Variants in SLC6A13 observed in about 807,000 individuals in gnomAD.
SLC6A13 encodes solute carrier family 6 member 13, also known as sodium- and chloride-dependent GABA transporter 2.
In SLC6A13, 69 loss-of-function variants were observed where a neutral mutation model predicts 72.9. The ratio of observed to expected loss-of-function variants is 0.95; its 90% CI spans 0.78 to 1.16. The LOEUF is 1.16. SLC6A13 is among the 50% of genes most tolerant of loss of function. The pLI, the probability that SLC6A13 is intolerant of heterozygous loss-of-function variation, is 0.00. For synonymous variants in SLC6A13, 303 were observed against 303.0 expected (o/e 1.00, Z 0.00); for missense variants, 735 against 760.5 (o/e 0.97, Z 0.39).
chr12:237,099 C>T (rs1357657295), intron 6 of SLC6A13, 59 bp downstream of exon 6: 3 of 1,587,544 alleles, frequency 1.9e-6, no homozygotes, highest in African/African-American at 2.7e-5. Context: ...TCCTGGGTGA[C>T]AGCCCCCAGT....
chr12:224,549 C>T (rs761940527), intron 9 of SLC6A13, 36 bp from the exon 10 acceptor site: 48 of 1,553,476 alleles, frequency 3.1e-5, no homozygotes, highest in Middle Eastern at 3.4e-4. Context: ...GGCCAGTGCC[C>T]GGGCCAGCTC....
chr12:233,480 G>A (rs994861088), intron 7 of SLC6A13, among the ~76,000 whole-genome samples: 30 of 152,244 alleles, frequency 2.0e-4, no homozygotes, highest in African/African-American at 7.0e-4. Flanking sequence ...GAAGGGTGGG[G>A]AGGAGACCCG....
Position 226,387 on chromosome 12 carries a change from C to G in SLC6A13, c.1060+3G>C, listed in dbSNP as rs1261811640. The G allele has an allele frequency of 6.2e-7, 1 of 1,613,740 alleles. No individual in the cohort carries two copies. The highest frequency in any genetic ancestry group is 8.5e-7 in the Non-Finnish European group (1 of 1,179,804). On this transcript the variant is annotated splice_donor_region_variant and intron_variant, in intron 9 of 14. Coordinates refer to ENST00000343164, the MANE Select transcript of SLC6A13 (RefSeq NM_016615.5). ...GCCTCCAGGCCTCCCCAGTAACACT[C>G]ACCTGACTCGGCCACCTCAGAAATG...
chr12:224,276 G>A (rs934493182), intron 10 of SLC6A13, 125 bp downstream of exon 10: 1 of 1,350,956 alleles, frequency 7.4e-7, no homozygotes, highest in Admixed American at 1.9e-5. Context: ...GTTAGGTCAG[G>A]ACTCACCCTC....
chr12:233,387 C>T (rs111280897), intron 7 of SLC6A13, among the ~76,000 whole-genome samples: 1 of 152,228 alleles, frequency 6.6e-6, no homozygotes, highest in African/African-American at 2.4e-5. Flanking sequence ...TTTCCAACCC[C>T]CTTCAGGCAG....
At chr12:259,357 G>T (rs865779023) in intron 2 of SLC6A13, 2 of 1,011,810 alleles carry the variant, frequency 2.0e-6, no homozygotes, top group Non-Finnish European at 2.4e-6. Flanking sequence ...GGTTATCAAC[G>T]TCATCATCAG....
intron 2 of SLC6A13, among the ~76,000 whole-genome samples, chr12:247,769 G>A (rs1320360798): frequency 6.6e-6 from 1 of 151,978 alleles, no homozygotes; most frequent in Non-Finnish European, 1.5e-5. Context: ...TAAAAACAAT[G>A]TAATATTGAT....
At position 254,755 on chromosome 12, in the gene SLC6A13, TCA is replaced by T; in HGVS notation, c.202+5094_202+5095del. ...CAGATCTCTCTCACAAACCCCAAAC[TCA>T]CATTCTATTGCCCAGTTGCCATTTC... On this transcript the variant is annotated intron_variant, in intron 2 of 14. Coordinates refer to ENST00000343164, the MANE Select transcript of SLC6A13 (RefSeq NM_016615.5). This position sits in a 1 kb window ranked among gnomAD's most constrained non-coding sequence, Gnocchi z 4.4. Among the ~76,000 whole-genome samples the T allele has an allele frequency of 1.3e-5, 2 of 152,244 alleles. No homozygotes were observed. The highest frequency in any genetic ancestry group is 6.8e-3 in the Middle Eastern group (2 of 294).
intron 7 of SLC6A13, among the ~76,000 whole-genome samples, chr12:232,443 C>T (rs1035920347): frequency 3.9e-5 from 6 of 152,338 alleles, no homozygotes; most frequent in African/African-American, 1.4e-4. Flanking sequence ...ACCTACCATC[C>T]ATCACAACCC....
At position 222,621 on chromosome 12, in the gene SLC6A13, A is replaced by G. The variant is rs1437390204; in HGVS notation, c.1426T>C (p.Phe476Leu). The G allele has an allele frequency of 3.1e-6, 5 of 1,604,656 alleles. No homozygotes were observed. The Admixed American group carries it at 8.4e-5, about 27-fold the overall frequency. The change falls in exon 13 of 15, where the codon TTC (phenylalanine) becomes CTC (leucine). Residue 476 changes from phenylalanine to leucine, a missense_variant. Transcript: ENST00000343164. Reference protein sequence around the residue: ...CVAWVYGAKRFYDNIEDMIGY... With the variant: ...CVAWVYGAKRLYDNIEDMIGY... ...ATCATGTCTTCGATGTTGTCGTAGA[A>G]GCGCTTGGCTCCTACCATGGAGAAA... is the stretch of plus-strand genomic sequence containing the variant.
At chr12:247,564 A>G (rs1236735125) in intron 2 of SLC6A13, among the ~76,000 whole-genome samples, 3 of 152,222 alleles carry the variant, frequency 2.0e-5, no homozygotes, top group African/African-American at 7.2e-5. Flanking sequence ...AGGATCTACC[A>G]CAAGTAGAAC....
chr12:258,173 G>A (rs1942808413), intron 2 of SLC6A13, among the ~76,000 whole-genome samples: 1 of 152,160 alleles, frequency 6.6e-6, no homozygotes, highest in Non-Finnish European at 1.5e-5. Context: ...ATGATTTCAG[G>A]CCACTGGCCA....
chr12:241,347 G>A (rs1004006389), intron 4 of SLC6A13, among the ~76,000 whole-genome samples: 6 of 152,040 alleles, frequency 3.9e-5, no homozygotes, highest in African/African-American at 1.4e-4. Context: ...AATTAATCAT[G>A]GCTAGCCCAC....
Position 223,220 on chromosome 12 carries a change from C to T in SLC6A13, c.1326G>A (p.Val442=). 1 of 1,611,420 alleles carries T rather than the reference C, an allele frequency of 6.2e-7. No homozygotes were observed. Among genetic ancestry groups the T allele is most frequent in the Non-Finnish European group, 8.5e-7 (1 of 1,178,026 alleles). The change falls in exon 12 of 15, where the codon GTG becomes GTA. Residue 442 remains valine (V), a synonymous_variant. Transcript: ENST00000343164. Reference sequence around the variant, plus strand: ...CCGCATAGTAGTCAAAGAGCTGGAACACGTACATTCCGCCCTGCATGGGAG... The same window carrying T: ...CCGCATAGTAGTCAAAGAGCTGGAATACGTACATTCCGCCCTGCATGGGAG... ...LIMLTEGGMY[V]FQLFDYYAAS...
At chr12:242,518 G>A (rs117251283) in intron 4 of SLC6A13, 96 bp downstream of exon 4, 12,909 of 1,046,844 alleles carry the variant, frequency 0.012, 131 homozygotes, top group Non-Finnish European at 0.015. Flanking sequence ...GTGATTTCTG[G>A]TGTGTCCGTG....
rs1941879816 is a variant in SLC6A13, at chr12:235,183, C to A, written c.738G>T (p.Val246=). 6.2e-7 allele frequency: 1 copy of A among 1,614,202 alleles called. No individual in the cohort carries two copies. Among genetic ancestry groups the A allele is most frequent in the Non-Finnish European group, 8.5e-7 (1 of 1,180,020 alleles). The change falls in exon 7 of 15, where the codon GTG becomes GTT. Residue 246 remains valine (V), a synonymous_variant. Transcript: ENST00000343164. Reference sequence around the variant, plus strand: ...ACGTCACCCCTCGAATTAACAGGACCACCAGCATGAGGTAAGGAAATGTGG... The same window carrying A: ...ACGTCACCCCTCGAATTAACAGGACAACCAGCATGAGGTAAGGAAATGTGG... ...FTATFPYLML[V]VLLIRGVTLP...
chr12:226,042 G>A (rs552108665), intron 9 of SLC6A13, among the ~76,000 whole-genome samples: 25 of 152,270 alleles, frequency 1.6e-4, no homozygotes, highest in Non-Finnish European at 3.4e-4. Flanking sequence ...AAGGAGGCAA[G>A]AAATAGAAAT....
intron 4 of SLC6A13, chr12:238,385 C>G: frequency 1.6e-6 from 2 of 1,283,280 alleles, no homozygotes; most frequent in Non-Finnish European, 2.0e-6. Context: ...TCAGAGTGGC[C>G]GAGAGCGCAG....
chr12:262,220 A>C (rs1158981043), intron 1 of SLC6A13, among the ~76,000 whole-genome samples: 4 of 152,138 alleles, frequency 2.6e-5, no homozygotes, highest in African/African-American at 9.7e-5. Context: ...TGCTTCTCAG[A>C]GGTAGCATGT....
Sources: gnomAD v4.1 joint callset for allele counts (sites outside exome capture counted in the v4.1 genomes callset) on GRCh38, gnomAD v4.1.1 for gene constraint, Gnocchi (gnomAD v3.1) non-coding constraint, MANE v1.5 for transcripts, NCBI Gene and HGNC (gene_info 2026-07-23, HGNC 2026-07-21) for gene names.